RAD23B: variants seen among roughly 807,000 people sequenced by gnomAD.
RAD23B encodes the protein RAD23 nucleotide excision repair protein B.
RAD23B carries 5 observed loss-of-function variants against 49.1 expected under a neutral mutation model. The observed-to-expected ratio is 0.10, with a 90% CI of 0.05 to 0.21. The LOEUF (loss-of-function observed/expected upper bound fraction) is 0.21, where lower values mean the gene tolerates loss of function less well. Among genes scored for constraint, RAD23B ranks in the 10% least tolerant of loss-of-function variants. The pLI is 1.00. For missense variants in RAD23B, 356 were observed against 486.7 expected (o/e 0.73, Z 2.53); for synonymous variants, 184 against 165.4 (o/e 1.11, Z -0.86).
chr9:107,288,507 G>A (rs1013141425), intron 1 of RAD23B, among the ~76,000 whole-genome samples: 5 of 152,234 alleles, frequency 3.3e-5, no homozygotes, highest in African/African-American at 4.8e-5. Flanking sequence ...GTGCAGTGGC[G>A]CCATCTTGGC....
intron 4 of RAD23B, among the ~76,000 whole-genome samples, chr9:107,311,394 T>G (rs1418747017): frequency 3.3e-5 from 5 of 152,192 alleles, no homozygotes; most frequent in Non-Finnish European, 7.4e-5. Context: ...TTATCTTTTT[T>G]GTATTCAATA....
intron 1 of RAD23B, among the ~76,000 whole-genome samples, chr9:107,296,742 C>T (rs58624985): frequency 0.022 from 3,365 of 151,942 alleles, 121 homozygotes; most frequent in African/African-American, 0.074. Flanking sequence ...GCCATGTTGA[C>T]CAGGCTGGCC....
At chr9:107,299,862 A>T (rs10739239) in intron 1 of RAD23B, among the ~76,000 whole-genome samples, 49,361 of 152,038 alleles carry the variant, frequency 0.32, 9,681 homozygotes, top group Middle Eastern at 0.47. Context: ...ATAAACCAAA[A>T]CTTTGATGTT....
At chr9:107,306,797 G>C in intron 4 of RAD23B, 150 bp downstream of exon 4, 1 of 866,696 alleles carries the variant, frequency 1.2e-6, no homozygotes, top group South Asian at 1.8e-5. Flanking sequence ...TGCTGCGTCT[G>C]TTTTGATAGC....
intron 6 of RAD23B, among the ~76,000 whole-genome samples, chr9:107,319,515 T>C (rs1827067610): frequency 6.6e-6 from 1 of 152,168 alleles, no homozygotes; most frequent in South Asian, 2.1e-4. Context: ...TTTTAAAAAC[T>C]GGGAAATTTC....
chr9:107,327,059 T>C (rs939759571), intron 9 of RAD23B, among the ~76,000 whole-genome samples: 26 of 152,242 alleles, frequency 1.7e-4, no homozygotes, highest in African/African-American at 4.6e-4. Context: ...ATCATTTTAT[T>C]TCCTCTTTTG....
In RAD23B at chr9:107,284,222, C is replaced by T. The variant is rs933386781; in HGVS notation, c.66+527C>T. The T allele has an allele frequency of 3.4e-5, 34 of 985,612 alleles. No individual in the cohort carries two copies. The Admixed American group carries it at 1.1e-3, about 32-fold the overall frequency. The allele number at this position is 985,612 out of a possible 1,614,324, so 61.1% of individuals were successfully genotyped here. A position where few individuals can be genotyped will look rare whatever the true frequency, so the allele number is the denominator to read the frequency against. ...GGTGAAAATGAATTTGCCCCTTTCCCCTCAGAATTGTTTACCCTTTTATTT... is the reference window on the plus strand; with the variant it reads ...GGTGAAAATGAATTTGCCCCTTTCCTCTCAGAATTGTTTACCCTTTTATTT... On this transcript the variant is annotated intron_variant, in intron 1 of 9. Transcript: ENST00000358015.
rs528182606 is a variant in RAD23B, at chr9:107,318,579, G to A, written c.554-173G>A. Among the ~76,000 whole-genome samples the A allele has an allele frequency of 2.6e-5, 4 of 152,246 alleles. No individual in the cohort carries two copies. The East Asian group carries it at 5.8e-4, about 22-fold the overall frequency. ...TAGGTTCCAGGGATCAAACCAGAGG[G>A]CATCTTTGGGGGACCATTACCTACT... On this transcript the variant is annotated intron_variant, in intron 5 of 9. Transcript: ENST00000358015. The surrounding 1 kb of genome is among the most constrained non-coding windows in gnomAD (Gnocchi z 4.3).
At chr9:107,298,945 G>A (rs1274674651) in intron 1 of RAD23B, among the ~76,000 whole-genome samples, 2 of 152,082 alleles carry the variant, frequency 1.3e-5, no homozygotes, top group African/African-American at 4.8e-5. Flanking sequence ...CATCAGAATA[G>A]CAGTGATGCT....
chr9:107,327,437 T>C (rs35827173), intron 9 of RAD23B, among the ~76,000 whole-genome samples: 38,847 of 152,116 alleles, frequency 0.26, 5,654 homozygotes, highest in African/African-American at 0.39. Flanking sequence ...TATGCTATAG[T>C]AGCATCCCAT....
chr9:107,308,429 G>T (rs1826826818), intron 4 of RAD23B, among the ~76,000 whole-genome samples: 1 of 152,068 alleles, frequency 6.6e-6, no homozygotes, highest in African/African-American at 2.4e-5. Flanking sequence ...ATGTTAGCCA[G>T]GCTGGTCTCG....
intron 2 of RAD23B, among the ~76,000 whole-genome samples, chr9:107,301,794 G>C (rs1826659884): frequency 6.6e-6 from 1 of 152,026 alleles, no homozygotes; most frequent in South Asian, 2.1e-4. Flanking sequence ...TTCCTCCTCA[G>C]CCTACCAAAG....
intron 4 of RAD23B, among the ~76,000 whole-genome samples, chr9:107,309,445 A>T (rs1046656772): frequency 6.6e-6 from 1 of 152,232 alleles, no homozygotes; most frequent in African/African-American, 2.4e-5. Flanking sequence ...CATAAACAAC[A>T]TTGTTCATTT....
chr9:107,304,072 T>C (rs1826712342), intron 3 of RAD23B, among the ~76,000 whole-genome samples: 1 of 152,156 alleles, frequency 6.6e-6, no homozygotes, highest in Admixed American at 6.5e-5. Flanking sequence ...GGAATGCTGC[T>C]ACAGTAAGGC....
chr9:107,319,170 G>T (rs1018749744), intron 6 of RAD23B, among the ~76,000 whole-genome samples: 1 of 118,172 alleles, frequency 8.5e-6, no homozygotes, highest in Non-Finnish European at 1.6e-5. Flanking sequence ...TCGCTCTGTC[G>T]CCCAGACTGG....
chr9:107,284,926 T>G, intron 1 of RAD23B: 1 of 1,300,396 alleles, frequency 7.7e-7, no homozygotes, highest in Non-Finnish European at 1.0e-6. Context: ...ATGTATTTAC[T>G]TGGTGGTCAG....
At position 107,311,874 on chromosome 9, in the gene RAD23B, T is replaced by C. The variant is rs536955012; in HGVS notation, c.553+137T>C. On this transcript the variant is annotated intron_variant, in intron 5 of 9. Transcript: ENST00000358015. ...CTGTAAGATGATTGATTTAGGTAAT[T>C]ATTCAATTAATAGTGTTACTAAAGA... is the stretch of plus-strand genomic sequence containing the variant. 195 of 657,892 alleles carry C rather than the reference T, an allele frequency of 3.0e-4. No homozygotes were observed. In the African/African-American group the frequency reaches 3.4e-3, roughly 12 times the overall value. 40.8% of individuals were successfully genotyped at this position (657,892 alleles called of 1,614,324 possible).
At chr9:107,287,894 T>G (rs1244969397) in intron 1 of RAD23B, among the ~76,000 whole-genome samples, 1 of 151,986 alleles carries the variant, frequency 6.6e-6, no homozygotes, top group Non-Finnish European at 1.5e-5. Flanking sequence ...TTGCTCTGTA[T>G]TATACAGTAT....
rs1453865205 is a variant in RAD23B, at chr9:107,313,618, C to T, written c.553+1881C>T. On this transcript the variant is annotated intron_variant, in intron 5 of 9. Coordinates refer to ENST00000358015, the MANE Select transcript of RAD23B (RefSeq NM_002874.5). ...TTCAAAGTTTAAATTATGGGAATGA[C>T]CAATACCATCCATATACTATATAGA... is the stretch of plus-strand genomic sequence containing the variant. Among the ~76,000 whole-genome samples, 7 of 152,304 alleles carry T rather than the reference C, an allele frequency of 4.6e-5. No individual in the cohort carries two copies. The East Asian group carries it at 1.4e-3, about 29-fold the overall frequency.
Sources: allele counts gnomAD v4.1 joint callset (sites outside exome capture counted in the v4.1 genomes callset), GRCh38; gene constraint gnomAD v4.1.1; non-coding constraint Gnocchi (gnomAD v3.1); transcripts MANE v1.5; gene names NCBI Gene and HGNC (gene_info 2026-07-23, HGNC 2026-07-21).